DCHS2: variants seen among roughly 807,000 people sequenced by gnomAD.
DCHS2 encodes the protein dachsous cadherin-related 2, also known as protocadherin-23.
Under a neutral mutation model 182.4 loss-of-function variants are expected in DCHS2, and 142 were observed. The observed-to-expected ratio is 0.78, with a 90% CI of 0.68 to 0.89. DCHS2 has a LOEUF of 0.89. Ranked by LOEUF, DCHS2 falls within the 40% of genes least tolerant of loss-of-function variation. The pLI is 0.00. For missense variants in DCHS2, 4,319 were observed against 4,198.6 expected, an observed-to-expected ratio of 1.03 and a Z score of -0.79; for synonymous variants, 1,740 against 1,663.3, an observed-to-expected ratio of 1.05 and a Z score of -1.12.
chr4:154,360,267 C>G (rs1307915748), intron 3 of DCHS2, among the ~76,000 whole-genome samples: 4 of 152,048 alleles, frequency 2.6e-5, no homozygotes, highest in African/African-American at 9.7e-5. Flanking sequence ...GATTCAAGTC[C>G]AATGCCACCA....
chr4:154,378,527 A>AGGAAGGAT, intron 1 of DCHS2, among the ~76,000 whole-genome samples: 1 of 145,220 alleles, frequency 6.9e-6, no homozygotes, highest in African/African-American at 2.5e-5. Flanking sequence ...GAAAGAAGGA[A>AGGAAGGAT]GGAAGGAAGG....
At position 154,297,993 on chromosome 4, in the gene DCHS2, C is replaced by T. The variant is rs773705767; in HGVS notation, c.6321G>A (p.Trp2107Ter). The T allele has an allele frequency of 1.2e-6, 2 of 1,614,038 alleles. No homozygotes were observed. Among genetic ancestry groups the T allele is most frequent in the Non-Finnish European group, 1.7e-6 (2 of 1,179,988 alleles). ...CCTGGTCTGTAACTTTTAACTGCAG[C>T]CAGATAGGGAAGTATTCTGAAGATG... is the stretch of plus-strand genomic sequence containing the variant. ...QNPSSEYFPIWLQLKVTDQGI... is the reference protein window; with the variant it reads ...QNPSSEYFPI The change falls in exon 13 of 20, where the codon TGG (tryptophan) becomes TGA (stop). Residue 2107 changes from tryptophan (W) to a stop codon, truncating the protein, a stop_gained. Coordinates refer to ENST00000357232, the MANE Select transcript of DCHS2 (RefSeq NM_001358235.2). LOFTEE classifies it high-confidence loss of function.
chr4:154,377,970 A>G (rs1461640760), intron 1 of DCHS2, among the ~76,000 whole-genome samples: 1 of 152,134 alleles, frequency 6.6e-6, no homozygotes. Context: ...TCACACTGGA[A>G]TGTGAGAGTT....
intron 1 of DCHS2, among the ~76,000 whole-genome samples, chr4:154,405,853 G>A (rs574662469): frequency 1.6e-4 from 24 of 152,236 alleles, no homozygotes; most frequent in African/African-American, 5.5e-4. Flanking sequence ...AACATGTCTC[G>A]TAAGTTTTTT....
At chr4:154,390,545 A>T (rs2110846506) in intron 1 of DCHS2, among the ~76,000 whole-genome samples, 1 of 151,940 alleles carries the variant, frequency 6.6e-6, no homozygotes, top group Non-Finnish European at 1.5e-5. Context: ...CACACACACT[A>T]GCCCAAATAC....
chr4:154,235,145 T>G lies in DCHS2; in HGVS notation c.9507A>C (p.Gln3169His). ...CACAGGTGGTGCTGCAGCCTTCCCC[T>G]TGATCTCCTTCCCCAAATGTTTGGC... ...EASQTFGEGD[Q>H]GEGCSTTCAQ... The change falls in exon 20 of 20, where the codon CAA (glutamine) becomes CAC (histidine). Residue 3169 changes from glutamine to histidine, a missense_variant. Gln to His is a conservative substitution (Grantham distance 24). Coordinates refer to ENST00000357232, the MANE Select transcript of DCHS2 (RefSeq NM_001358235.2). The G allele has an allele frequency of 1.2e-6, 2 of 1,614,028 alleles. No individual in the cohort carries two copies. Among genetic ancestry groups the G allele is most frequent in the Non-Finnish European group, 1.7e-6 (2 of 1,179,946 alleles).
chr4:154,254,848 A>G (rs1327905434), intron 16 of DCHS2, among the ~76,000 whole-genome samples: 1 of 152,166 alleles, frequency 6.6e-6, no homozygotes, highest in East Asian at 1.9e-4. Context: ...GAAAAGGAAA[A>G]AAAAAAGGCT....
intron 13 of DCHS2, among the ~76,000 whole-genome samples, chr4:154,290,332 T>C (rs991194257): frequency 2.6e-5 from 4 of 152,118 alleles, no homozygotes; most frequent in Non-Finnish European, 5.9e-5. Context: ...TGTTCATGGA[T>C]TGAAGAATCA....
At chr4:154,470,487 C>A (rs368002381) in intron 1 of DCHS2, among the ~76,000 whole-genome samples, 158 of 143,238 alleles carry the variant, frequency 1.1e-3, no homozygotes, top group Non-Finnish European at 1.0e-3. Context: ...GACCCTGTCT[C>A]AAAAAAAAAA....
intron 13 of DCHS2, among the ~76,000 whole-genome samples, chr4:154,290,953 TA>T (rs1240119810): frequency 3.9e-5 from 6 of 151,956 alleles, no homozygotes; most frequent in Non-Finnish European, 7.4e-5. Flanking sequence ...CATATCAAGT[TA>T]AAAAGCTTCT....
chr4:154,443,894 C>G (rs1212481910), intron 1 of DCHS2, among the ~76,000 whole-genome samples: 4 of 152,222 alleles, frequency 2.6e-5, no homozygotes, highest in Non-Finnish European at 4.4e-5. Flanking sequence ...CAATGAGCTG[C>G]TCACTGCTTG....
intron 1 of DCHS2, among the ~76,000 whole-genome samples, chr4:154,459,577 C>T (rs369925024): frequency 1.1e-4 from 16 of 152,060 alleles, no homozygotes; most frequent in Admixed American, 8.5e-4. Flanking sequence ...CTTGCCCTTC[C>T]CAGGAATGAC....
At chr4:154,308,515 T>C (rs1020222124) in intron 10 of DCHS2, among the ~76,000 whole-genome samples, 3 of 152,152 alleles carry the variant, frequency 2.0e-5, no homozygotes, top group African/African-American at 7.2e-5. Flanking sequence ...CATGTGTTCA[T>C]TTATGAATGC....
Position 154,477,210 on chromosome 4 carries a change from T to A in DCHS2, c.2052+12094A>T, listed in dbSNP as rs74813106. 4.0e-4 allele frequency among the ~76,000 whole-genome samples: 61 copies of A among 152,310 alleles called. 1 individual carries two copies. The highest frequency in any genetic ancestry group is 1.3e-3 in the African/African-American group (56 of 41,582). ...CCTCCTGGTTTGTGGACAGGTGACC[T>A]CTTGATGTAGCCTCACGTGGCGGAA... On this transcript the variant is annotated intron_variant, in intron 1 of 19. Coordinates refer to ENST00000357232, the MANE Select transcript of DCHS2 (RefSeq NM_001358235.2).
intron 15 of DCHS2, among the ~76,000 whole-genome samples, chr4:154,257,685 C>T (rs1204178980): frequency 6.6e-6 from 1 of 152,170 alleles, no homozygotes; most frequent in East Asian, 1.9e-4. Context: ...GGTCAAAAAC[C>T]AGGAAGCAAC....
chr4:154,251,253 G>A (rs1160816882), intron 16 of DCHS2, among the ~76,000 whole-genome samples: 2 of 152,148 alleles, frequency 1.3e-5, no homozygotes, highest in Non-Finnish European at 2.9e-5. Flanking sequence ...TTTTGTAAAT[G>A]TACATGCATA....
intron 13 of DCHS2, among the ~76,000 whole-genome samples, chr4:154,273,216 A>G (rs1733678250): frequency 6.6e-6 from 1 of 152,122 alleles, no homozygotes; most frequent in Non-Finnish European, 1.5e-5. Context: ...TCAATCATCG[A>G]GTAGATTAAG....
At chr4:154,241,969 C>T (rs1014016503) in intron 17 of DCHS2, among the ~76,000 whole-genome samples, 7 of 152,026 alleles carry the variant, frequency 4.6e-5, no homozygotes, top group Admixed American at 2.0e-4. Context: ...TGTCGTATTA[C>T]GAGTGAAGTA....
At chr4:154,246,357 A>C (rs1279326958) in intron 16 of DCHS2, among the ~76,000 whole-genome samples, 1 of 152,162 alleles carries the variant, frequency 6.6e-6, no homozygotes, top group Non-Finnish European at 1.5e-5. Context: ...TCCCCTCCCA[A>C]AGAAAAGTGA....
Sources: gnomAD v4.1 joint callset for allele counts (sites outside exome capture counted in the v4.1 genomes callset) on GRCh38, gnomAD v4.1.1 for gene constraint, MANE v1.5 for transcripts, NCBI Gene and HGNC (gene_info 2026-07-23, HGNC 2026-07-21) for gene names.